The following PRMT8 variants were observed in gnomAD, a reference collection of about 807,000 sequenced individuals.
PRMT8 encodes protein arginine N-methyltransferase 8.
PRMT8 carries 7 observed loss-of-function variants against 47.1 expected under a neutral mutation model. The ratio of observed to expected loss-of-function variants is 0.15; its 90% CI spans 0.08 to 0.28. The LOEUF (loss-of-function observed/expected upper bound fraction) is 0.28. PRMT8 is among the 10% of genes least tolerant of loss of function. The probability of loss-of-function intolerance (pLI) is 1.00; values close to 1 mark genes in which losing one functional copy is unlikely to be tolerated. For synonymous variants in PRMT8, 188 were observed against 186.5 expected, an observed-to-expected ratio of 1.01 and a Z score of -0.07; for missense variants, 237 against 505.4, an observed-to-expected ratio of 0.47 and a Z score of 5.09.
At position 3,453,760 on chromosome 12, in the gene PRMT8, G is replaced by A. The variant is rs930617520; in HGVS notation, c.48+72318G>A. Among the ~76,000 whole-genome samples, 14 of 151,874 alleles carry A rather than the reference G, an allele frequency of 9.2e-5. No individual in the cohort carries two copies. The highest frequency in any genetic ancestry group is 2.0e-4 in the Admixed American group (3 of 15,270). ...CACCCTGTGGTCTGTGTCCTGACGT[G>A]GCCCGACTGTGGACCCCCTTGTCCT... On this transcript the variant is annotated intron_variant, in intron 1 of 9. Transcript: ENST00000452611. The surrounding 1 kb of genome is among the most constrained non-coding windows in gnomAD (Gnocchi z 4.9).
At chr12:3,416,440 G>A (rs1864484500) in intron 1 of PRMT8, among the ~76,000 whole-genome samples, 4 of 152,218 alleles carry the variant, frequency 2.6e-5, no homozygotes, top group Admixed American at 1.3e-4. Context: ...CTAAGGTCTG[G>A]AAGGCAGGAA....
chr12:3,479,749 G>T (rs1255075528), intron 1 of PRMT8, among the ~76,000 whole-genome samples: 2 of 152,148 alleles, frequency 1.3e-5, no homozygotes, highest in African/African-American at 2.4e-5. Flanking sequence ...CAATGCCCTT[G>T]GCCTTATGCC....
intron 4 of PRMT8, among the ~76,000 whole-genome samples, chr12:3,560,797 G>A (rs1866623477): frequency 6.6e-6 from 1 of 152,172 alleles, no homozygotes; most frequent in South Asian, 2.1e-4. Context: ...CAACTTAATG[G>A]TAGGGAGGAC....
At chr12:3,592,146 TTCTATGCAGGGTCCCAGCCTCA>T in intron 8 of PRMT8, 63 bp from the exon 9 acceptor site, 1 of 1,442,002 alleles carries the variant, frequency 6.9e-7, no homozygotes, top group Non-Finnish European at 9.1e-7. Flanking sequence ...GCCCAGCAAC[TTCTATGCAGGGTCCCAGCCTCA>T]TCCCTTTGGA....
At chr12:3,504,464 T>A (rs1486415326) in intron 1 of PRMT8, among the ~76,000 whole-genome samples, 3 of 117,688 alleles carry the variant, frequency 2.5e-5, no homozygotes, top group Non-Finnish European at 4.1e-5. Context: ...CCCTGCCGTG[T>A]GAGGTGTCAG....
At chr12:3,474,785 C>T (rs908812522) in intron 1 of PRMT8, among the ~76,000 whole-genome samples, 2 of 152,128 alleles carry the variant, frequency 1.3e-5, no homozygotes, top group Non-Finnish European at 2.9e-5. Flanking sequence ...GTGCTCTTCC[C>T]CTTGCACGGA....
chr12:3,588,684 A>C (rs930024673), intron 8 of PRMT8, among the ~76,000 whole-genome samples: 3 of 152,246 alleles, frequency 2.0e-5, no homozygotes, highest in Non-Finnish European at 2.9e-5. Flanking sequence ...GGAATGCTGC[A>C]GGCAGTACTG....
chr12:3,481,054 C>T (rs984729171), intron 1 of PRMT8, among the ~76,000 whole-genome samples: 1 of 152,184 alleles, frequency 6.6e-6, no homozygotes, highest in African/African-American at 2.4e-5. Context: ...GGTGGGTCCA[C>T]TCTTTTGTGG....
At chr12:3,433,161 C>T (rs543966398) in intron 1 of PRMT8, among the ~76,000 whole-genome samples, 1 of 152,288 alleles carries the variant, frequency 6.6e-6, no homozygotes, top group African/African-American at 2.4e-5. Context: ...TGGAAAGTGG[C>T]CTCTTGTTTT....
chr12:3,494,778 T>A (rs1865480446), intron 1 of PRMT8, among the ~76,000 whole-genome samples: 1 of 152,198 alleles, frequency 6.6e-6, no homozygotes. Context: ...ACGTGCTTGC[T>A]GGACACTGTT....
intron 1 of PRMT8, among the ~76,000 whole-genome samples, chr12:3,402,742 G>C (rs904039515): frequency 5.3e-5 from 8 of 152,180 alleles, no homozygotes; most frequent in African/African-American, 1.7e-4. Flanking sequence ...GATCATTAGA[G>C]AAATGCAAAT....
chr12:3,397,187 T>C (rs1479377936), intron 1 of PRMT8, among the ~76,000 whole-genome samples: 1 of 151,936 alleles, frequency 6.6e-6, no homozygotes, highest in African/African-American at 2.4e-5. Flanking sequence ...AGTAATTTGA[T>C]CGTCTGAAGC....
intron 1 of PRMT8, among the ~76,000 whole-genome samples, chr12:3,513,695 GCT>G (rs1191136241): frequency 6.6e-6 from 1 of 152,182 alleles, no homozygotes; most frequent in Non-Finnish European, 1.5e-5. Context: ...TGGAAAGCCA[GCT>G]ATGTGGTTCT....
intron 1 of PRMT8, among the ~76,000 whole-genome samples, chr12:3,509,037 G>A (rs1325172099): frequency 6.6e-6 from 1 of 152,130 alleles, no homozygotes; most frequent in Non-Finnish European, 1.5e-5. Context: ...CTTCACCTCT[G>A]GCCTGGATCT....
intron 1 of PRMT8, among the ~76,000 whole-genome samples, chr12:3,539,344 A>G (rs534628314): frequency 1.3e-5 from 2 of 152,290 alleles, no homozygotes; most frequent in African/African-American, 4.8e-5. Flanking sequence ...ACAGCCAACA[A>G]GCGCTGGGTT....
At chr12:3,397,408 T>G (rs540217026) in intron 1 of PRMT8, among the ~76,000 whole-genome samples, 85 of 151,340 alleles carry the variant, frequency 5.6e-4, no homozygotes, top group African/African-American at 1.9e-3. Context: ...GTCCTTTCTG[T>G]TTGTTAGTTT....
At chr12:3,391,724 C>G (rs983338149) in intron 1 of PRMT8, among the ~76,000 whole-genome samples, 1 of 152,210 alleles carries the variant, frequency 6.6e-6, no homozygotes, top group Non-Finnish European at 1.5e-5. Context: ...GTTCTCAACA[C>G]TGGGACCATG....
At chr12:3,471,955 G>A (rs1279025131) in intron 1 of PRMT8, among the ~76,000 whole-genome samples, 4 of 152,008 alleles carry the variant, frequency 2.6e-5, no homozygotes, top group Admixed American at 6.5e-5. Flanking sequence ...AGGGAAGAGC[G>A]GGTCTCCCAA....
chr12:3,422,280 A>G (rs1024852462), intron 1 of PRMT8, among the ~76,000 whole-genome samples: 1 of 152,218 alleles, frequency 6.6e-6, no homozygotes, highest in Non-Finnish European at 1.5e-5. Context: ...GAACTTTGGT[A>G]TCATGTAGGA....
Sources: allele counts gnomAD v4.1 joint callset (sites outside exome capture counted in the v4.1 genomes callset), GRCh38; gene constraint gnomAD v4.1.1; non-coding constraint Gnocchi (gnomAD v3.1); transcripts MANE v1.5; gene names NCBI Gene and HGNC (gene_info 2026-07-23, HGNC 2026-07-21).